The following CSMD1 variants were observed in gnomAD, a reference collection of about 807,000 sequenced individuals.
CSMD1 encodes CUB and sushi domain-containing protein 1.
In CSMD1, 213 loss-of-function variants were observed where a neutral mutation model predicts 417.5. The ratio of observed to expected loss-of-function variants is 0.51; its 90% CI spans 0.46 to 0.57. CSMD1 has a LOEUF of 0.57. CSMD1 is among the 20% of genes least tolerant of loss of function. The pLI is 0.00. For missense variants in CSMD1, 6,923 were observed against 4,529.7 expected, an observed-to-expected ratio of 1.53 and a Z score of -15.17; for synonymous variants, 2,862 against 1,736.8, an observed-to-expected ratio of 1.65 and a Z score of -16.11.
At position 4,607,061 on chromosome 8, in the gene CSMD1, A is replaced by AT. The variant is rs1401565861; in HGVS notation, c.302+30280dup. 3.9e-5 allele frequency among the ~76,000 whole-genome samples: 6 copies of AT among 152,098 alleles called. No homozygotes were observed. In the South Asian group the frequency reaches 8.3e-4, roughly 21 times the overall value. ...CGATCATTTGCTCTTCAACCATATT[A>AT]TTTTTATTCATTCATATGTTTATTC... On this transcript the variant is annotated intron_variant, in intron 2 of 69. Coordinates refer to ENST00000635120, the MANE Select transcript of CSMD1 (RefSeq NM_033225.6).
chr8:3,343,568 T>C (rs1807799566), intron 22 of CSMD1, 118 bp from the exon 23 acceptor site: 1 of 831,050 alleles, frequency 1.2e-6, no homozygotes, highest in Admixed American at 3.1e-5. Context: ...TAAAAAGGCA[T>C]ATAGTTTACA....
intron 5 of CSMD1, among the ~76,000 whole-genome samples, chr8:3,771,541 G>A (rs968247920): frequency 6.6e-6 from 1 of 152,252 alleles, no homozygotes; most frequent in Non-Finnish European, 1.5e-5. Context: ...TGACTGGATA[G>A]CATCACCATT....
chr8:3,169,725 C>G (rs1213450222), intron 37 of CSMD1, among the ~76,000 whole-genome samples: 1 of 124,540 alleles, frequency 8.0e-6, no homozygotes, highest in Non-Finnish European at 1.7e-5. Context: ...AAATATAGCA[C>G]AAGTTGAACA....
intron 1 of CSMD1, among the ~76,000 whole-genome samples, chr8:4,714,311 T>A (rs1410827729): frequency 2.0e-5 from 3 of 152,120 alleles, no homozygotes; most frequent in African/African-American, 7.2e-5. Flanking sequence ...GAAAAAGAAA[T>A]CTAGACCTTT....
intron 29 of CSMD1, among the ~76,000 whole-genome samples, chr8:3,217,482 A>T (rs777553731): frequency 2.0e-5 from 3 of 152,182 alleles, no homozygotes; most frequent in Non-Finnish European, 4.4e-5. Flanking sequence ...ATCAGTGTAC[A>T]TTCTCACAAT....
At chr8:4,208,741 G>A (rs1319059130) in intron 3 of CSMD1, among the ~76,000 whole-genome samples, 1 of 152,172 alleles carries the variant, frequency 6.6e-6, no homozygotes, top group African/African-American at 2.4e-5. Context: ...CATGGAATAT[G>A]GAGAATATAT....
intron 12 of CSMD1, among the ~76,000 whole-genome samples, chr8:3,443,156 G>A (rs144457203): frequency 2.0e-5 from 3 of 152,120 alleles, no homozygotes; most frequent in Admixed American, 6.6e-5. Context: ...TGCACACCAC[G>A]TGTCACCTTC....
intron 26 of CSMD1, among the ~76,000 whole-genome samples, chr8:3,239,700 T>G (rs904257173): frequency 6.6e-6 from 1 of 152,220 alleles, no homozygotes; most frequent in Non-Finnish European, 1.5e-5. Flanking sequence ...TGGCTAGTAC[T>G]ATAGCATAGC....
chr8:3,667,424 G>T (rs1273899601), intron 7 of CSMD1, among the ~76,000 whole-genome samples: 1 of 151,234 alleles, frequency 6.6e-6, no homozygotes, highest in Non-Finnish European at 1.5e-5. Context: ...TTGGGGAAGA[G>T]ATTTTGGATA....
chr8:4,667,911 G>A (rs1433720750), intron 1 of CSMD1, among the ~76,000 whole-genome samples: 1 of 152,122 alleles, frequency 6.6e-6, no homozygotes, highest in Non-Finnish European at 1.5e-5. Flanking sequence ...GGTTAGAGTG[G>A]CCATCTTTGC....
intron 3 of CSMD1, among the ~76,000 whole-genome samples, chr8:4,352,762 G>A (rs1801171336): frequency 6.6e-6 from 1 of 152,158 alleles, no homozygotes; most frequent in Non-Finnish European, 1.5e-5. Flanking sequence ...TGGAAACCAT[G>A]GCAGACAAAT....
At chr8:4,884,326 A>G (rs1263319455) in intron 1 of CSMD1, among the ~76,000 whole-genome samples, 1 of 151,886 alleles carries the variant, frequency 6.6e-6, no homozygotes, top group Non-Finnish European at 1.5e-5. Context: ...TCTGTGGGTT[A>G]TCTTTGTGTT....
intron 7 of CSMD1, among the ~76,000 whole-genome samples, chr8:3,656,400 T>C (rs1326460081): frequency 6.6e-6 from 1 of 151,980 alleles, no homozygotes; most frequent in Non-Finnish European, 1.5e-5. Flanking sequence ...TTTTTTTTCC[T>C]CTCAGTGCAT....
chr8:4,132,096 C>A (rs1803143139), intron 3 of CSMD1, among the ~76,000 whole-genome samples: 1 of 151,726 alleles, frequency 6.6e-6, no homozygotes, highest in African/African-American at 2.4e-5. Flanking sequence ...GGTAAAGAAT[C>A]ACATATGGAT....
intron 3 of CSMD1, among the ~76,000 whole-genome samples, chr8:4,391,888 G>C (rs1000461158): frequency 2.0e-5 from 3 of 152,250 alleles, no homozygotes; most frequent in East Asian, 1.9e-4. Flanking sequence ...AGCTTCTGCC[G>C]AGAGCTTCTT....
intron 5 of CSMD1, among the ~76,000 whole-genome samples, chr8:3,948,515 A>G (rs1199893199): frequency 2.0e-5 from 3 of 151,982 alleles, no homozygotes; most frequent in Admixed American, 6.6e-5. Flanking sequence ...GTCTTCTTAT[A>G]TTTTCTTTAT....
At chr8:3,728,000 G>C (rs973475147) in intron 6 of CSMD1, among the ~76,000 whole-genome samples, 1 of 152,180 alleles carries the variant, frequency 6.6e-6, no homozygotes, top group African/African-American at 2.4e-5. Flanking sequence ...GCATGGTGGT[G>C]GAGGCTACAC....
intron 3 of CSMD1, among the ~76,000 whole-genome samples, chr8:4,037,928 A>G (rs1797701902): frequency 6.6e-6 from 1 of 152,182 alleles, no homozygotes; most frequent in Non-Finnish European, 1.5e-5. Flanking sequence ...TAGGAAAAAA[A>G]GTTTTTCAAA....
chr8:4,078,148 T>A (rs1799931287), intron 3 of CSMD1, among the ~76,000 whole-genome samples: 1 of 152,174 alleles, frequency 6.6e-6, no homozygotes, highest in Non-Finnish European at 1.5e-5. Flanking sequence ...AAAATCAGCT[T>A]ACAAATTTCC....
Sources: allele counts gnomAD v4.1 joint callset (sites outside exome capture counted in the v4.1 genomes callset), GRCh38; gene constraint gnomAD v4.1.1; transcripts MANE v1.5; gene names NCBI Gene and HGNC (gene_info 2026-07-23, HGNC 2026-07-21).